ITGA8: variants seen among roughly 807,000 people sequenced by gnomAD.
ITGA8 encodes integrin alpha-8.
Under a neutral mutation model 142.3 loss-of-function variants are expected in ITGA8, and 91 were observed. The ratio of observed to expected loss-of-function variants is 0.64; its 90% CI spans 0.54 to 0.76. ITGA8 has a LOEUF of 0.76. Ranked by LOEUF, ITGA8 falls within the 30% of genes least tolerant of loss-of-function variation. The pLI is 0.00. For synonymous variants in ITGA8, 505 were observed against 485.2 expected (o/e 1.04, Z -0.54); for missense variants, 1,406 against 1,327.7 (o/e 1.06, Z -0.92).
rs567363259 is a variant in ITGA8, at chr10:15,673,317, T to G, written c.677-568A>C. On this transcript the variant is annotated intron_variant, in intron 6 of 29. Transcript: ENST00000378076. ...CAAGGGCGGTCTCAAATTCCTGACT[T>G]CGTGATCTGCTTGCCTCGGCCTCCC... Among the ~76,000 whole-genome samples the G allele has an allele frequency of 2.5e-4, 38 of 152,154 alleles. No homozygotes were observed. In the East Asian group the frequency reaches 5.0e-3, roughly 20 times the overall value.
intron 13 of ITGA8, among the ~76,000 whole-genome samples, chr10:15,631,243 T>G (rs1365933759): frequency 1.3e-5 from 2 of 151,958 alleles, no homozygotes; most frequent in African/African-American, 4.8e-5. Flanking sequence ...TATAAATCAT[T>G]CTACTATAAA....
chr10:15,576,614 A>G (rs139432024), intron 23 of ITGA8, among the ~76,000 whole-genome samples: 5 of 152,282 alleles, frequency 3.3e-5, no homozygotes, highest in African/African-American at 1.2e-4. Flanking sequence ...GGCAACTTCA[A>G]ATGTTAGCAA....
In ITGA8 at chr10:15,672,661, C is replaced by T. The variant is rs142594384; in HGVS notation, c.765G>A (p.Thr255=). 9 of 1,613,670 alleles carry T rather than the reference C, an allele frequency of 5.6e-6. No homozygotes were observed. Among genetic ancestry groups the T allele is most frequent in the African/African-American group, 4.0e-5 (3 of 74,916 alleles). Residue 255 remains threonine, a synonymous_variant, in exon 7 of 30, where the codon ACG becomes ACA. Coordinates refer to ENST00000378076, the MANE Select transcript of ITGA8 (RefSeq NM_003638.3). ...ILRKLAGEKQ[T]EVAPASYDDS... is the part of the protein sequence containing the mutation. Reference sequence around the variant, plus strand: ...CATCATAGGAAGCTGGAGCCACTTCCGTCTGCTTTTCTCCTGCCAGTTTCC... The same window carrying T: ...CATCATAGGAAGCTGGAGCCACTTCTGTCTGCTTTTCTCCTGCCAGTTTCC...
chr10:15,690,213 T>C (rs1410266143), intron 2 of ITGA8, among the ~76,000 whole-genome samples: 1 of 152,146 alleles, frequency 6.6e-6, no homozygotes, highest in African/African-American at 2.4e-5. Context: ...GCACCCGGCC[T>C]CACAGAGCCT....
intron 25 of ITGA8, among the ~76,000 whole-genome samples, chr10:15,559,038 A>G (rs1429127386): frequency 6.6e-6 from 1 of 152,248 alleles, no homozygotes; most frequent in Non-Finnish European, 1.5e-5. Context: ...CAATAATAGT[A>G]TGCCCATCTC....
At chr10:15,589,709 C>G (rs954649997) in intron 22 of ITGA8, among the ~76,000 whole-genome samples, 5 of 151,910 alleles carry the variant, frequency 3.3e-5, no homozygotes, top group Non-Finnish European at 5.9e-5. Flanking sequence ...GATAAATGCT[C>G]ACCTCTCAAA....
intron 6 of ITGA8, among the ~76,000 whole-genome samples, chr10:15,676,658 C>T (rs1834636608): frequency 6.6e-6 from 1 of 152,166 alleles, no homozygotes; most frequent in Non-Finnish European, 1.5e-5. Context: ...AGCCTCAACA[C>T]ATTGTTGATG....
intron 2 of ITGA8, among the ~76,000 whole-genome samples, chr10:15,700,492 G>A (rs1224612506): frequency 1.3e-5 from 2 of 152,192 alleles, no homozygotes; most frequent in Non-Finnish European, 2.9e-5. Flanking sequence ...TGAGAGTATT[G>A]TATGCTATCG....
chr10:15,573,991 A>G (rs1289771712), intron 24 of ITGA8, among the ~76,000 whole-genome samples: 1 of 151,922 alleles, frequency 6.6e-6, no homozygotes, highest in African/African-American at 2.4e-5. Flanking sequence ...ATGTTTGTTT[A>G]TTTTTTTATT....
intron 25 of ITGA8, among the ~76,000 whole-genome samples, chr10:15,562,311 T>C (rs1833998950): frequency 6.6e-6 from 1 of 152,194 alleles, no homozygotes; most frequent in African/African-American, 2.4e-5. Context: ...CCTGCGAAGC[T>C]GGCGGCTCCG....
At chr10:15,554,975 G>T (rs901138096) in intron 26 of ITGA8, among the ~76,000 whole-genome samples, 1 of 152,054 alleles carries the variant, frequency 6.6e-6, no homozygotes, top group Non-Finnish European at 1.5e-5. Context: ...ATGGATTTCC[G>T]TTCTACAGAT....
chr10:15,639,428 A>C (rs1245791114), intron 13 of ITGA8, among the ~76,000 whole-genome samples: 2 of 152,160 alleles, frequency 1.3e-5, no homozygotes, highest in Non-Finnish European at 2.9e-5. Flanking sequence ...GTCAGTCATC[A>C]CAGTATCTGA....
intron 13 of ITGA8, among the ~76,000 whole-genome samples, chr10:15,625,481 T>G (rs1833565257): frequency 6.6e-6 from 1 of 152,182 alleles, no homozygotes; most frequent in Admixed American, 6.5e-5. Flanking sequence ...GGAGGAAGGT[T>G]TATTTCTACA....
Position 15,547,356 on chromosome 10 carries a change from G to C in ITGA8, c.2880+1099C>G, listed in dbSNP as rs932925019. ...GGAGACTGAAGCACGTGGATCAGTC[G>C]AGGCCAGGAGTTTGAGACCAGCCTG... On this transcript the variant is annotated intron_variant, in intron 27 of 29. Transcript: ENST00000378076. Among the ~76,000 whole-genome samples the C allele has an allele frequency of 2.6e-5, 4 of 152,186 alleles. No individual in the cohort carries two copies. In the East Asian group the frequency reaches 7.7e-4, roughly 29 times the overall value.
At chr10:15,719,483 G>C (rs193294851) in intron 1 of ITGA8, 80 bp downstream of exon 1, 1 of 1,311,602 alleles carries the variant, frequency 7.6e-7, no homozygotes, top group African/African-American at 1.6e-5. Context: ...GCTGCGGGGG[G>C]ACTCCGCGGC....
chr10:15,706,621 G>A (rs191720618), intron 2 of ITGA8, among the ~76,000 whole-genome samples: 1 of 152,032 alleles, frequency 6.6e-6, no homozygotes, highest in Admixed American at 6.6e-5. Context: ...TAACTTTTTT[G>A]TAGAGATAGG....
At chr10:15,671,784 T>C (rs1334603957) in intron 7 of ITGA8, 137 bp from the exon 8 acceptor site, 2 of 642,690 alleles carry the variant, frequency 3.1e-6, no homozygotes, top group Admixed American at 2.9e-5. Context: ...AGTTAAAGAT[T>C]CTATAAAGGG....
chr10:15,672,584 C>A lies in ITGA8; in HGVS notation c.802+40G>T, dbSNP rs768711520. 5.1e-6 allele frequency: 8 copies of A among 1,580,062 alleles called. No homozygotes were observed. The Admixed American group carries it at 1.3e-4, about 26-fold the overall frequency. ...TTGCATCTACATTTACTATGCTTGT[C>A]TTTTGAAAAACCACAAATGTCTTGG... On this transcript the variant is annotated intron_variant, in intron 7 of 29. Coordinates refer to ENST00000378076, the MANE Select transcript of ITGA8 (RefSeq NM_003638.3).
At chr10:15,694,485 T>C (rs1050817472) in intron 2 of ITGA8, among the ~76,000 whole-genome samples, 2 of 136,548 alleles carry the variant, frequency 1.5e-5, no homozygotes, top group Non-Finnish European at 3.0e-5. Context: ...ATAAAATATA[T>C]CTATAATATA....
Sources: gnomAD v4.1 joint callset for allele counts (sites outside exome capture counted in the v4.1 genomes callset) on GRCh38, gnomAD v4.1.1 for gene constraint, MANE v1.5 for transcripts, NCBI Gene and HGNC (gene_info 2026-07-23, HGNC 2026-07-21) for gene names.